SPATA7: variants seen among roughly 807,000 people sequenced by gnomAD.
SPATA7 encodes the protein spermatogenesis-associated protein 7.
SPATA7 carries 43 observed loss-of-function variants against 51.8 expected under a neutral mutation model. The ratio of observed to expected loss-of-function variants is 0.83; its 90% CI spans 0.65 to 1.07. The LOEUF is 1.07. Ranked by LOEUF, SPATA7 falls within the 50% of genes least tolerant of loss-of-function variation. SPATA7 has a pLI of 0.00. For missense variants in SPATA7, 683 were observed against 701.3 expected (o/e 0.97, Z 0.30); for synonymous variants, 230 against 252.8 (o/e 0.91, Z 0.86).
intron 4 of SPATA7, among the ~76,000 whole-genome samples, chr14:88,409,301 G>T (rs1293915691): frequency 6.6e-6 from 1 of 151,842 alleles, no homozygotes; most frequent in Non-Finnish European, 1.5e-5. Flanking sequence ...TCAGGGATTC[G>T]ACTTCTTGTT....
chr14:88,385,760 C>T lies in SPATA7; in HGVS notation c.-59C>T. On this transcript the variant is annotated 5_prime_UTR_variant, in exon 1 of 12. Coordinates refer to ENST00000393545, the MANE Select transcript of SPATA7 (RefSeq NM_018418.5). ...CTCCACTGCCGGGGCTGGGCCCGGC[C>T]GCGGGAAGGACCGAAGGGGATACAG... The T allele has an allele frequency of 1.3e-6, 2 of 1,544,158 alleles. No individual in the cohort carries two copies. Among genetic ancestry groups the T allele is most frequent in the South Asian group, 1.2e-5 (1 of 86,294 alleles).
At position 88,469,146 on chromosome 14, in the gene SPATA7, A is replaced by G; in HGVS notation, c.255-701A>G. On this transcript the variant is annotated intron_variant, in intron 4 of 4. Coordinates refer to the SPATA7 transcript ENST00000556406. This position sits in a 1 kb window ranked among gnomAD's most constrained non-coding sequence, Gnocchi z 4.3. ...GTATCACATTGTTGACTCAATCTTC[A>G]TATTCTCTCCACTGATTAAGAGGAC... 1 of 1,490,700 alleles carries G rather than the reference A, an allele frequency of 6.7e-7. No homozygotes were observed. Among genetic ancestry groups the G allele is most frequent in the Non-Finnish European group, 9.1e-7 (1 of 1,096,312 alleles). The allele number at this position is 1,490,700 out of a possible 1,614,324, so 92.3% of individuals were successfully genotyped here.
exon 5 of SPATA7, chr14:88,470,260 G>T (rs1213508741): frequency 3.5e-6 from 2 of 577,034 alleles, no homozygotes; most frequent in Non-Finnish European, 6.1e-6. Context: ...ATAAACTTAG[G>T]TACTGTGAAT....
chr14:88,416,982 C>A, intron 5 of SPATA7, 138 bp downstream of exon 5: 1 of 688,080 alleles, frequency 1.5e-6, no homozygotes, highest in Non-Finnish European at 2.4e-6. Context: ...TTTTAAAAGG[C>A]TGTTCAGGCC....
chr14:88,414,229 G>T (rs962786018), intron 4 of SPATA7, among the ~76,000 whole-genome samples: 1 of 152,000 alleles, frequency 6.6e-6, no homozygotes, highest in Non-Finnish European at 1.5e-5. Context: ...TTACTGGTTC[G>T]ATTTTGGAAC....
chr14:88,439,943 C>T (rs539064800), downstream of SPATA7, among the ~76,000 whole-genome samples: 1 of 152,282 alleles, frequency 6.6e-6, no homozygotes, highest in East Asian at 1.9e-4. Context: ...GCAACACCGT[C>T]TATCCCCTCT....
At chr14:88,398,154 T>C (rs911890568) in intron 4 of SPATA7, among the ~76,000 whole-genome samples, 1 of 152,158 alleles carries the variant, frequency 6.6e-6, no homozygotes, top group African/African-American at 2.4e-5. Flanking sequence ...ATTGTCGTAT[T>C]AATCATATAA....
intron 4 of SPATA7, among the ~76,000 whole-genome samples, chr14:88,413,550 C>T (rs1287348184): frequency 6.6e-6 from 1 of 152,048 alleles, no homozygotes; most frequent in African/African-American, 2.4e-5. Context: ...TTTCTCTTAC[C>T]TAATTACTCT....
chr14:88,407,357 C>T (rs574215628), intron 4 of SPATA7, among the ~76,000 whole-genome samples: 13 of 152,338 alleles, frequency 8.5e-5, no homozygotes, highest in Non-Finnish European at 1.6e-4. Context: ...TTGCATTTCT[C>T]TAATGACCAG....
chr14:88,405,356 G>A (rs894361421), intron 4 of SPATA7, among the ~76,000 whole-genome samples: 3 of 152,242 alleles, frequency 2.0e-5, no homozygotes, highest in Non-Finnish European at 4.4e-5. Context: ...GAAGAGAGGA[G>A]TAGCAGGGCT....
At chr14:88,440,638 C>T (rs930839898), downstream of SPATA7, among the ~76,000 whole-genome samples, 3 of 152,042 alleles carry the variant, frequency 2.0e-5, no homozygotes, top group Admixed American at 6.6e-5. Flanking sequence ...ATGATGAATG[C>T]GAGTGTGTCT....
chr14:88,408,349 G>C (rs1357033033), intron 4 of SPATA7, among the ~76,000 whole-genome samples: 1 of 152,006 alleles, frequency 6.6e-6, no homozygotes, highest in Non-Finnish European at 1.5e-5. Context: ...TCTATTCTTA[G>C]GTATTTTATT....
At chr14:88,432,186 A>G (rs2076960497) in intron 9 of SPATA7, among the ~76,000 whole-genome samples, 1 of 152,094 alleles carries the variant, frequency 6.6e-6, no homozygotes, top group Admixed American at 6.6e-5. Flanking sequence ...CTTTGCAGAT[A>G]TTTTATTTGT....
At chr14:88,442,782 A>G (rs2077186392), downstream of SPATA7, among the ~76,000 whole-genome samples, 1 of 151,782 alleles carries the variant, frequency 6.6e-6, no homozygotes, top group East Asian at 1.9e-4. Flanking sequence ...TGGTTTTGGT[A>G]TTAGGGTGAT....
At position 88,416,726 on chromosome 14, in the gene SPATA7, G is replaced by A. The variant is rs199825301; in HGVS notation, c.254G>A (p.Arg85Gln). The A allele has an allele frequency of 2.8e-5, 45 of 1,613,118 alleles. No homozygotes were observed. The Middle Eastern group carries it at 8.3e-4, about 30-fold the overall frequency. Residue 85 changes from arginine to glutamine, a missense_variant, in exon 5 of 12, where the codon CGA becomes CAA. Physicochemically the swap from Arg to Gln is conservative, Grantham distance 43. Coordinates refer to ENST00000393545, the MANE Select transcript of SPATA7 (RefSeq NM_018418.5). The stretch of plus-strand genomic sequence containing the variant: ...TCCCTTTTAGATGCAGACCAACAAC[G>A]AAGAGAGAAACTCAAAAAGGAATTA... ...STSIKYADQQ[R>Q]REKLKKELAQ... is the part of the protein sequence containing the mutation.
chr14:88,407,342 T>C (rs979198688), intron 4 of SPATA7, among the ~76,000 whole-genome samples: 24 of 152,260 alleles, frequency 1.6e-4, no homozygotes, highest in African/African-American at 5.8e-4. Context: ...CATTGTGGTT[T>C]TGATTTGCAT....
At chr14:88,411,499 G>T (rs1353678283) in intron 4 of SPATA7, among the ~76,000 whole-genome samples, 1 of 152,146 alleles carries the variant, frequency 6.6e-6, no homozygotes, top group Non-Finnish European at 1.5e-5. Flanking sequence ...CCTTGGTGGT[G>T]TAGGCACCTG....
chr14:88,426,091 A>G (rs1031486563), intron 5 of SPATA7, 141 bp from the exon 6 acceptor site: 6 of 666,948 alleles, frequency 9.0e-6, no homozygotes, highest in Non-Finnish European at 1.6e-5. Flanking sequence ...AGAACTTCAG[A>G]TAAAATATTA....
chr14:88,445,564 A>G (rs1223342347), intron 3 of SPATA7, among the ~76,000 whole-genome samples: 1 of 151,178 alleles, frequency 6.6e-6, no homozygotes, highest in Non-Finnish European at 1.5e-5. Flanking sequence ...GTCTTGTGCC[A>G]GTTTTCAAAG....
Sources: gnomAD v4.1 joint callset for allele counts (sites outside exome capture counted in the v4.1 genomes callset) on GRCh38, gnomAD v4.1.1 for gene constraint, Gnocchi (gnomAD v3.1) non-coding constraint, MANE v1.5 for transcripts, NCBI Gene and HGNC (gene_info 2026-07-23, HGNC 2026-07-21) for gene names.